PTPN2: variants seen among roughly 807,000 people sequenced by gnomAD.
PTPN2 encodes the protein protein tyrosine phosphatase non-receptor type 2, also known as tyrosine-protein phosphatase non-receptor type 2.
Under a neutral mutation model 57.3 loss-of-function variants are expected in PTPN2, and 19 were observed. That is an observed-to-expected ratio of 0.33 (90% CI 0.23 to 0.49). PTPN2 has a LOEUF of 0.49. Ranked by LOEUF, PTPN2 falls within the 20% of genes least tolerant of loss-of-function variation. The pLI, the probability that PTPN2 is intolerant of heterozygous loss-of-function variation, is 0.99. For synonymous variants in PTPN2, 153 were observed against 164.9 expected (o/e 0.93, Z 0.55); for missense variants, 358 against 501.1 (o/e 0.71, Z 2.73).
intron 1 of PTPN2, among the ~76,000 whole-genome samples, chr18:12,878,269 A>G (rs2044557645): frequency 6.6e-6 from 1 of 152,022 alleles, no homozygotes; most frequent in Admixed American, 6.6e-5. Context: ...GTGAGCTGAG[A>G]TCACGCCACT....
intron 1 of PTPN2, among the ~76,000 whole-genome samples, chr18:12,864,498 C>T (rs1239787846): frequency 6.6e-6 from 1 of 151,720 alleles, no homozygotes; most frequent in Non-Finnish European, 1.5e-5. Context: ...AGGGTTAAAT[C>T]GATTCTCCTG....
At chr18:12,876,855 A>G (rs1312786010) in intron 1 of PTPN2, among the ~76,000 whole-genome samples, 1 of 152,256 alleles carries the variant, frequency 6.6e-6, no homozygotes, top group Non-Finnish European at 1.5e-5. Context: ...CTCAAGTCCC[A>G]AAATGACCCT....
rs747486746 is a variant in PTPN2, at chr18:12,884,131, G to T, written c.11C>A (p.Thr4Asn). 1.9e-6 allele frequency: 3 copies of T among 1,586,820 alleles called. No individual in the cohort carries two copies. The highest frequency in any genetic ancestry group is 2.6e-6 in the Non-Finnish European group (3 of 1,168,056). The change falls in exon 1 of 9, where the codon ACC (threonine) becomes AAC (asparagine). Residue 4 changes from threonine (T) to asparagine (N), a missense_variant. Around this residue, in one of 4 missense-constraint regions of PTPN2, gnomAD observed 62 missense variants for 47.9 expected, o/e 1.29. Coordinates refer to ENST00000309660, the MANE Select transcript of PTPN2 (RefSeq NM_002828.4). MPT[T>N]IEREFEELDT... ...CAACTCTTCGAACTCCCGCTCGATG[G>T]TGGTGGGCATGGCTGCGGGAGCGAG... is the stretch of plus-strand genomic sequence containing the variant.
At chr18:12,824,364 C>T (rs1326675387) in intron 5 of PTPN2, among the ~76,000 whole-genome samples, 1 of 152,126 alleles carries the variant, frequency 6.6e-6, no homozygotes, top group Non-Finnish European at 1.5e-5. Context: ...CCTGTGCTTA[C>T]TCAATGCAGC....
chr18:12,839,438 A>G (rs1411626635), intron 2 of PTPN2: 3 of 152,222 alleles, frequency 2.0e-5, no homozygotes, highest in African/African-American at 7.2e-5. Flanking sequence ...TGAGATTATC[A>G]TAACAGCAGC....
At chr18:12,826,606 T>G (rs2042469194) in intron 4 of PTPN2, among the ~76,000 whole-genome samples, 1 of 151,898 alleles carries the variant, frequency 6.6e-6, no homozygotes, top group Non-Finnish European at 1.5e-5. Flanking sequence ...TCTTGCTCTG[T>G]CGCCCAGGCT....
At chr18:12,865,926 C>T (rs550330568) in intron 1 of PTPN2, among the ~76,000 whole-genome samples, 1 of 152,252 alleles carries the variant, frequency 6.6e-6, no homozygotes, top group Admixed American at 6.5e-5. Flanking sequence ...CTCCAAGGCA[C>T]ATACCCAAGA....
Position 12,836,730 on chromosome 18 carries a change from TAAAGCAG to T in PTPN2, c.261+54_261+60del, listed in dbSNP as rs2042878453. On this transcript the variant is annotated intron_variant, in intron 3 of 8. Coordinates refer to ENST00000309660, the MANE Select transcript of PTPN2 (RefSeq NM_002828.4). ...TCAAGATATACTTTTACCTATGATT[TAAAGCAG>T]AACAAGCACAAACACATCATTTTCA... is the stretch of plus-strand genomic sequence containing the variant. The T allele has an allele frequency of 2.8e-6, 3 of 1,085,924 alleles. No homozygotes were observed. In the East Asian group the frequency reaches 7.4e-5, roughly 27 times the overall value. The allele number at this position is 1,085,924 out of a possible 1,614,324, so 67.3% of individuals were successfully genotyped here.
chr18:12,870,462 TAGAGAGAGAG>T (rs762120431), intron 1 of PTPN2, among the ~76,000 whole-genome samples: 26 of 17,682 alleles, frequency 1.5e-3, no homozygotes, highest in African/African-American at 0.01. Context: ...TATATATATA[TAGAGAGAGAG>T]AGAGAGAGAG....
intron 8 of PTPN2, among the ~76,000 whole-genome samples, chr18:12,798,620 G>A (rs1295044725): frequency 6.6e-6 from 1 of 152,156 alleles, no homozygotes; most frequent in Admixed American, 6.5e-5. Context: ...AGTATTCCAT[G>A]CTGTATATGT....
chr18:12,872,059 CAAAAAA>C (rs1219804008), intron 1 of PTPN2, among the ~76,000 whole-genome samples: 1 of 73,402 alleles, frequency 1.4e-5, no homozygotes, highest in African/African-American at 6.5e-5. Flanking sequence ...AAAAAAAAAA[CAAAAAA>C]ACAAAAAAAC....
chr18:12,810,013 C>A (rs1276455306), intron 7 of PTPN2, among the ~76,000 whole-genome samples: 1 of 152,048 alleles, frequency 6.6e-6, no homozygotes, highest in African/African-American at 2.4e-5. Flanking sequence ...GAAACCCCAT[C>A]TCTACCAAAA....
At chr18:12,824,106 G>A (rs1015782249) in intron 5 of PTPN2, among the ~76,000 whole-genome samples, 15 of 152,162 alleles carry the variant, frequency 9.9e-5, no homozygotes, top group African/African-American at 3.4e-4. Context: ...AATGAACAAT[G>A]TACAGCTCAG....
chr18:12,794,607 G>A (rs2041096938), intron 8 of PTPN2, 122 bp from the exon 9 acceptor site: 1 of 1,184,474 alleles, frequency 8.4e-7, no homozygotes, highest in South Asian at 1.6e-5. Context: ...TTGAACACTG[G>A]AATAATGAGG....
chr18:12,883,085 G>T (rs1392032526), intron 1 of PTPN2, among the ~76,000 whole-genome samples: 1 of 152,206 alleles, frequency 6.6e-6, no homozygotes, highest in African/African-American at 2.4e-5. Flanking sequence ...GAACAGGCAC[G>T]ATTAGGGCGA....
At chr18:12,870,784 C>G (rs536819396) in intron 1 of PTPN2, among the ~76,000 whole-genome samples, 1 of 151,976 alleles carries the variant, frequency 6.6e-6, no homozygotes, top group East Asian at 1.9e-4. Context: ...GCTGAGATTA[C>G]AGGAGTGAGC....
intron 9 of PTPN2, chr18:12,785,992 G>C (rs1171329420): frequency 1.5e-6 from 1 of 656,462 alleles, no homozygotes; most frequent in Non-Finnish European, 2.6e-6. Flanking sequence ...ACCACACTAA[G>C]TGCTGCACTG....
chr18:12,870,500 A>AGAGAGAG lies in PTPN2; in HGVS notation c.70-11247_70-11246insCTCTCTC, dbSNP rs765653644. Among the ~76,000 whole-genome samples, 28 of 52,742 alleles carry AGAGAGAG rather than the reference A, an allele frequency of 5.3e-4. 1 individual carries two copies. The highest frequency in any genetic ancestry group is 8.7e-4 in the Non-Finnish European group (26 of 29,840). 34.6% of individuals were successfully genotyped at this position (52,742 alleles called of 152,430 possible). A position where few individuals can be genotyped will look rare whatever the true frequency, so the allele number is the denominator to read the frequency against. On this transcript the variant is annotated intron_variant, in intron 1 of 8. Coordinates refer to ENST00000309660, the MANE Select transcript of PTPN2 (RefSeq NM_002828.4). ...AGAGAGAGAGAGAGAGAGAGAGAGA[A>AGAGAGAG]AAGCGTGTTGTTTTTTTTTTTTTTT... is the stretch of plus-strand genomic sequence containing the variant.
intron 1 of PTPN2, among the ~76,000 whole-genome samples, chr18:12,865,438 TAA>T (rs376422275): frequency 3.5e-4 from 45 of 129,418 alleles, no homozygotes; most frequent in African/African-American, 6.1e-4. Flanking sequence ...CTGTCTTTAT[TAA>T]AAAAAAAAAA....
Sources: gnomAD v4.1 joint callset for allele counts (sites outside exome capture counted in the v4.1 genomes callset) on GRCh38, gnomAD v4.1.1 for gene constraint, gnomAD v4.1.1 regional missense constraint, MANE v1.5 for transcripts, NCBI Gene and HGNC (gene_info 2026-07-23, HGNC 2026-07-21) for gene names.